PRCP: variants seen among roughly 807,000 people sequenced by gnomAD.
The protein encoded by PRCP is lysosomal Pro-X carboxypeptidase.
A neutral mutation model predicts 54.2 loss-of-function variants in PRCP; 46 were observed. The ratio of observed to expected loss-of-function variants is 0.85; its 90% CI spans 0.67 to 1.09. The LOEUF is 1.09. Among genes scored for constraint, PRCP ranks in the 50% least tolerant of loss-of-function variants. The pLI is 0.00. For missense variants in PRCP, 613 were observed against 596.8 expected, an observed-to-expected ratio of 1.03 and a Z score of -0.28; for synonymous variants, 240 against 212.2, an observed-to-expected ratio of 1.13 and a Z score of -1.14.
intron 6 of PRCP, among the ~76,000 whole-genome samples, chr11:82,846,647 C>A (rs1286694795): frequency 1.3e-5 from 2 of 152,080 alleles, no homozygotes; most frequent in Non-Finnish European, 2.9e-5. Context: ...TAAAAATAAA[C>A]TTTTATAATG....
chr11:82,884,789 T>G (rs1165846970), intron 1 of PRCP: 1 of 1,609,464 alleles, frequency 6.2e-7, no homozygotes, highest in East Asian at 2.2e-5. Context: ...TCAGCTTGTT[T>G]TCTCAAATGC....
At chr11:82,835,126 G>T (rs1858489058) in intron 8 of PRCP, among the ~76,000 whole-genome samples, 1 of 152,132 alleles carries the variant, frequency 6.6e-6, no homozygotes, top group Non-Finnish European at 1.5e-5. Flanking sequence ...GGGTTGATAG[G>T]TGCAGCAAAC....
chr11:82,848,354 C>T (rs1331646238), intron 6 of PRCP, among the ~76,000 whole-genome samples: 3 of 152,220 alleles, frequency 2.0e-5, no homozygotes, highest in Non-Finnish European at 4.4e-5. Flanking sequence ...TGTCCTTATA[C>T]TTTCCAAAGT....
At chr11:82,878,656 G>A (rs1859664389) in intron 1 of PRCP, among the ~76,000 whole-genome samples, 1 of 152,156 alleles carries the variant, frequency 6.6e-6, no homozygotes, top group Non-Finnish European at 1.5e-5. Context: ...TTATAATTCA[G>A]CATGTTTTTG....
Position 82,850,444 on chromosome 11 carries a change from A to G in PRCP, c.473T>C (p.Ile158Thr), listed in dbSNP as rs1385033141. ...EQALADFAEL[I>T]KHLKRTIPGA... is the part of the protein sequence containing the mutation. The stretch of plus-strand genomic sequence containing the variant: ...TGGGATTGTTCTTTTCAAGTGTTTG[A>G]TTAACTCTGCAAAATCAGCCAGAGC... The change falls in exon 4 of 9, where the codon ATC becomes ACC. Residue 158 changes from isoleucine (I) to threonine (T), a missense_variant. Transcript: ENST00000313010. The G allele has an allele frequency of 2.5e-6, 4 of 1,605,842 alleles. No individual in the cohort carries two copies. In the African/African-American group the frequency reaches 5.4e-5, roughly 22 times the overall value.
At chr11:82,842,503 G>C (rs1858697897) in intron 6 of PRCP, among the ~76,000 whole-genome samples, 1 of 152,124 alleles carries the variant, frequency 6.6e-6, no homozygotes, top group Non-Finnish European at 1.5e-5. Flanking sequence ...ATCGGGATGG[G>C]GAGCTGAAAA....
chr11:82,852,231 A>G (rs1591049896), intron 3 of PRCP, among the ~76,000 whole-genome samples: 1 of 152,206 alleles, frequency 6.6e-6, no homozygotes, highest in East Asian at 1.9e-4. Flanking sequence ...TCAGCAAATC[A>G]TCCCACTTTA....
intron 1 of PRCP, among the ~76,000 whole-genome samples, chr11:82,860,417 A>G (rs1048747978): frequency 2.0e-5 from 3 of 152,120 alleles, no homozygotes; most frequent in African/African-American, 7.2e-5. Flanking sequence ...TTGAATTGTA[A>G]ATACAATGTG....
intron 1 of PRCP, among the ~76,000 whole-genome samples, chr11:82,891,713 T>C (rs1860012910): frequency 6.6e-6 from 1 of 152,180 alleles, no homozygotes; most frequent in Non-Finnish European, 1.5e-5. Context: ...TCCCTGTGCC[T>C]AGAATGTTTT....
intron 2 of PRCP, among the ~76,000 whole-genome samples, chr11:82,854,543 T>C (rs950131618): frequency 3.9e-5 from 6 of 152,084 alleles, no homozygotes; most frequent in South Asian, 2.1e-4. Context: ...TGTTCATACA[T>C]AGGAAGAATC....
chr11:82,859,922 A>G (rs970339562), intron 2 of PRCP, 55 bp downstream of exon 2: 4 of 1,472,576 alleles, frequency 2.7e-6, no homozygotes, highest in African/African-American at 1.4e-5. Flanking sequence ...ATTTCTTCCA[A>G]GTTATCATAA....
At chr11:82,844,747 A>AAAAAAAAAAAGAAAGAAAG (rs756222029) in intron 6 of PRCP, among the ~76,000 whole-genome samples, 1 of 136,056 alleles carries the variant, frequency 7.3e-6, no homozygotes. Context: ...AAAAAAAAAA[A>AAAAAAAAAAAGAAAGAAAG]AAAGAAAGAA....
chr11:82,880,821 T>C (rs1417163882), intron 1 of PRCP, among the ~76,000 whole-genome samples: 1 of 143,580 alleles, frequency 7.0e-6, no homozygotes, highest in African/African-American at 2.6e-5. Flanking sequence ...GTTTTTCCCA[T>C]CTGCCCTTAT....
At chr11:82,871,177 C>CTTTTTTTTTTTTTTTTTTTT (rs146234682) in intron 1 of PRCP, among the ~76,000 whole-genome samples, 1 of 117,410 alleles carries the variant, frequency 8.5e-6, no homozygotes, top group Non-Finnish European at 1.7e-5. Context: ...AAATGTTTCT[C>CTTTTTTTTTTTTTTTTTTTT]TTTTTTTTTT....
chr11:82,858,724 G>C (rs1273659092), intron 2 of PRCP: 1 of 152,122 alleles, frequency 6.6e-6, no homozygotes. Flanking sequence ...AAGGAGAAAA[G>C]AGACAAGGCA....
intron 1 of PRCP, among the ~76,000 whole-genome samples, chr11:82,872,566 G>A (rs2121214490): frequency 6.6e-6 from 1 of 152,260 alleles, no homozygotes; most frequent in East Asian, 1.9e-4. Flanking sequence ...CTGGAGTCAA[G>A]CAGCTTCCAG....
chr11:82,833,268 C>T (rs979272514), intron 8 of PRCP, among the ~76,000 whole-genome samples: 1 of 152,136 alleles, frequency 6.6e-6, no homozygotes, highest in Non-Finnish European at 1.5e-5. Flanking sequence ...GAGTGATAAG[C>T]GGTATTTACA....
intron 8 of PRCP, among the ~76,000 whole-genome samples, chr11:82,837,757 A>T (rs1360492654): frequency 6.6e-6 from 1 of 152,224 alleles, no homozygotes; most frequent in African/African-American, 2.4e-5. Flanking sequence ...CTCTAATGTG[A>T]ACCAGTGGCA....
At chr11:82,867,118 C>T in intron 1 of PRCP, among the ~76,000 whole-genome samples, 1 of 152,120 alleles carries the variant, frequency 6.6e-6, no homozygotes. Flanking sequence ...AAAATTATCA[C>T]AGATGTGTTA....
Sources: gnomAD v4.1 joint callset for allele counts (sites outside exome capture counted in the v4.1 genomes callset) on GRCh38, gnomAD v4.1.1 for gene constraint, MANE v1.5 for transcripts, NCBI Gene and HGNC (gene_info 2026-07-23, HGNC 2026-07-21) for gene names.